Variants in HS3ST4 observed in about 807,000 individuals in gnomAD.
HS3ST4 encodes heparan sulfate glucosamine 3-O-sulfotransferase 4.
Under a neutral mutation model 29.2 loss-of-function variants are expected in HS3ST4, and 17 were observed. The ratio of observed to expected loss-of-function variants is 0.58; its 90% confidence interval spans 0.40 to 0.87. The LOEUF is 0.87. HS3ST4 is among the 40% of genes least tolerant of loss of function. The pLI is 0.00. For missense variants in HS3ST4, 627 were observed against 634.5 expected (o/e 0.99, Z 0.13); for synonymous variants, 314 against 285.7 (o/e 1.10, Z -1.00).
intron 1 of HS3ST4, among the ~76,000 whole-genome samples, chr16:25,818,472 G>C (rs1397370890): frequency 6.6e-6 from 1 of 152,184 alleles, no homozygotes; most frequent in African/African-American, 2.4e-5. Context: ...AAGCTACTCA[G>C]TTTCTGGTAT....
intron 1 of HS3ST4, among the ~76,000 whole-genome samples, chr16:25,925,298 A>C (rs550694991): frequency 3.3e-5 from 5 of 151,566 alleles, no homozygotes; most frequent in Non-Finnish European, 7.4e-5. Flanking sequence ...TAGGTCACAG[A>C]CTCTAACCCT....
chr16:25,905,883 A>G (rs1968174843), intron 1 of HS3ST4, among the ~76,000 whole-genome samples: 1 of 152,216 alleles, frequency 6.6e-6, no homozygotes, highest in Non-Finnish European at 1.5e-5. Flanking sequence ...GCATCAGGGC[A>G]GGTTTCATTC....
At chr16:26,072,151 CTT>C (rs1335678507) in intron 1 of HS3ST4, among the ~76,000 whole-genome samples, 1 of 152,198 alleles carries the variant, frequency 6.6e-6, no homozygotes, top group Admixed American at 6.5e-5. Flanking sequence ...TAAGGGGCCA[CTT>C]ACTTGTTGTG....
intron 1 of HS3ST4, among the ~76,000 whole-genome samples, chr16:25,916,673 CTTTTTTTTTTTT>C (rs34339195): frequency 1.1e-5 from 1 of 92,172 alleles, no homozygotes; most frequent in Non-Finnish European, 2.1e-5. Context: ...CAAATGCATT[CTTTTTTTTTTTT>C]TTTTTTTTTT....
intron 1 of HS3ST4, among the ~76,000 whole-genome samples, chr16:25,914,038 ATGTG>A (rs1191181973): frequency 8.2e-6 from 1 of 121,832 alleles, no homozygotes; most frequent in East Asian, 2.7e-4. Context: ...GAGCATGTGT[ATGTG>A]TGTGTGGGGT....
intron 1 of HS3ST4, among the ~76,000 whole-genome samples, chr16:25,732,375 T>C (rs1372198290): frequency 1.3e-5 from 2 of 152,240 alleles, no homozygotes; most frequent in African/African-American, 4.8e-5. Flanking sequence ...TATTCCCATC[T>C]TGACTGGCTC....
At chr16:26,098,914 C>A (rs140110860) in intron 1 of HS3ST4, among the ~76,000 whole-genome samples, 5 of 151,928 alleles carry the variant, frequency 3.3e-5, no homozygotes, top group African/African-American at 1.2e-4. Context: ...AGGCAACCTG[C>A]GGATACGGTT....
chr16:25,763,965 A>G (rs16975182), intron 1 of HS3ST4, among the ~76,000 whole-genome samples: 12,584 of 152,190 alleles, frequency 0.083, 553 homozygotes, highest in African/African-American at 0.11. Flanking sequence ...CCTGCACTGA[A>G]TTAGGGAGAC....
At chr16:25,909,022 G>T (rs973632904) in intron 1 of HS3ST4, among the ~76,000 whole-genome samples, 1 of 152,182 alleles carries the variant, frequency 6.6e-6, no homozygotes, top group African/African-American at 2.4e-5. Context: ...ATCATTGCTG[G>T]CTGAGGCTGA....
chr16:25,695,924 C>T (rs1966292627), intron 1 of HS3ST4, among the ~76,000 whole-genome samples: 1 of 152,188 alleles, frequency 6.6e-6, no homozygotes, highest in Non-Finnish European at 1.5e-5. Context: ...GAAATTGGGG[C>T]TGCTCTCTGC....
chr16:25,826,649 A>T (rs1459005123), intron 1 of HS3ST4, among the ~76,000 whole-genome samples: 3 of 151,900 alleles, frequency 2.0e-5, no homozygotes, highest in Non-Finnish European at 2.9e-5. Flanking sequence ...AGGGCACTAT[A>T]AAAAAAAGGA....
chr16:25,766,525 A>C (rs1966820062), intron 1 of HS3ST4, among the ~76,000 whole-genome samples: 1 of 152,064 alleles, frequency 6.6e-6, no homozygotes, highest in African/African-American at 2.4e-5. Flanking sequence ...CCACTCACTC[A>C]CTGTTTGACT....
intron 1 of HS3ST4, among the ~76,000 whole-genome samples, chr16:25,693,834 G>A (rs539524503): frequency 2.6e-4 from 39 of 152,306 alleles, no homozygotes; most frequent in African/African-American, 9.4e-4. Flanking sequence ...ACCGTGCCCT[G>A]TCTAATCTCC....
At chr16:25,891,223 T>C (rs1272580932) in intron 1 of HS3ST4, among the ~76,000 whole-genome samples, 1 of 152,194 alleles carries the variant, frequency 6.6e-6, no homozygotes, top group East Asian at 1.9e-4. Context: ...CTGAGTTCTA[T>C]AGACTGGGTA....
chr16:25,785,206 A>T (rs536464948), intron 1 of HS3ST4, among the ~76,000 whole-genome samples: 57 of 152,368 alleles, frequency 3.7e-4, no homozygotes, highest in African/African-American at 1.3e-3. Context: ...ACCCAAGAGC[A>T]CTGATAAAAA....
At chr16:25,710,419 A>G (rs572186831) in intron 1 of HS3ST4, among the ~76,000 whole-genome samples, 1 of 74,382 alleles carries the variant, frequency 1.3e-5, no homozygotes, top group Non-Finnish European at 3.5e-5. Context: ...TCAATTTCCT[A>G]TGGACTTTTG....
chr16:25,980,870 A>G (rs1290762160), intron 1 of HS3ST4, among the ~76,000 whole-genome samples: 6 of 152,194 alleles, frequency 3.9e-5, no homozygotes, highest in African/African-American at 1.4e-4. Flanking sequence ...AACATGAGTG[A>G]GTGCCTTTAT....
chr16:25,803,336 C>T (rs989017085), intron 1 of HS3ST4, among the ~76,000 whole-genome samples: 45 of 152,302 alleles, frequency 3.0e-4, no homozygotes, highest in East Asian at 3.9e-4. Flanking sequence ...TTTTCTTGCT[C>T]TTGACTTTAG....
intron 1 of HS3ST4, among the ~76,000 whole-genome samples, chr16:25,909,681 C>T (rs778632579): frequency 1.5e-4 from 23 of 152,170 alleles, no homozygotes; most frequent in Non-Finnish European, 2.8e-4. Context: ...TTTCTACTTG[C>T]GGTATCTCAT....
Sources: allele counts gnomAD v4.1 joint callset (sites outside exome capture counted in the v4.1 genomes callset), GRCh38; gene constraint gnomAD v4.1.1; transcripts MANE v1.5; gene names NCBI Gene and HGNC (gene_info 2026-07-23, HGNC 2026-07-21).